The following WDR47 variants were observed in gnomAD, a reference collection of about 807,000 sequenced individuals.
WDR47 encodes WD repeat domain 47, also known as WD repeat-containing protein 47.
In WDR47, 32 loss-of-function variants were observed where a neutral mutation model predicts 97.2. The observed-to-expected ratio is 0.33, with a 90% CI of 0.25 to 0.44. The LOEUF is 0.44. Ranked by LOEUF, WDR47 falls within the 20% of genes least tolerant of loss-of-function variation. WDR47 has a pLI of 1.00. For synonymous variants in WDR47, 375 were observed against 373.5 expected (o/e 1.00, Z -0.05); for missense variants, 782 against 1,102.3 (o/e 0.71, Z 4.11).
chr1:109,004,796 TTTA>T (rs1009884983), intron 5 of WDR47, 81 bp from the exon 6 acceptor site: 10 of 1,429,286 alleles, frequency 7.0e-6, no homozygotes, highest in Middle Eastern at 2.3e-4. Flanking sequence ...GAAATTTTAT[TTTA>T]TTATTATTAT....
Position 108,995,754 on chromosome 1 carries a change from C to A in WDR47, c.1517G>T (p.Gly506Val). The A allele has an allele frequency of 6.2e-7, 1 of 1,614,086 alleles. No individual in the cohort carries two copies. Among genetic ancestry groups the A allele is most frequent in the South Asian group, 1.1e-5 (1 of 91,090 alleles). Residue 506 changes from glycine (G) to valine (V), a missense_variant, in exon 8 of 15, where the codon GGG becomes GTG. Physicochemically the swap from Gly to Val is moderately radical, Grantham distance 109 (BLOSUM62 -3). This residue lies in a region of WDR47 where 126 missense variants were observed against 121.3 expected (regional missense o/e 1.04). Transcript: ENST00000369962. ...EVSALNQQCN[G>V]SKGNGSNGSS... ...ACCATTAGATCCATTGCCTTTGCTC[C>A]CATTACATTGCTGGTTGAGTGCTGA...
In WDR47 at chr1:109,017,553, C is replaced by T. The variant is rs1439956123; in HGVS notation, c.207G>A (p.Gln69=). Residue 69 remains glutamine (Q), a synonymous_variant, in exon 3 of 15, where the codon CAG becomes CAA. Transcript: ENST00000369962. ...CAAATTTTTCCATACATTCTAGAGG[C>T]TGAATGAACTGAAGAACTTCATCCC... ...GQWDEVLQFI[Q]PLECMEKFDK... The T allele has an allele frequency of 4.3e-6, 7 of 1,612,540 alleles. No individual in the cohort carries two copies. The highest frequency in any genetic ancestry group is 1.3e-5 in the African/African-American group (1 of 74,842).
intron 2 of WDR47, among the ~76,000 whole-genome samples, chr1:109,021,303 A>C (rs1202754005): frequency 6.6e-6 from 1 of 152,118 alleles, no homozygotes; most frequent in South Asian, 2.1e-4. Context: ...CGAGGCAGGC[A>C]GATCACCTGA....
At chr1:109,022,877 C>G (rs766393779) in intron 2 of WDR47, among the ~76,000 whole-genome samples, 2 of 151,742 alleles carry the variant, frequency 1.3e-5, no homozygotes. Flanking sequence ...TGAGCCACCA[C>G]GCCCAGCCTA....
intron 8 of WDR47, among the ~76,000 whole-genome samples, chr1:108,993,244 G>C (rs1271735462): frequency 3.3e-5 from 5 of 151,734 alleles, no homozygotes; most frequent in Admixed American, 6.6e-5. Flanking sequence ...AGAATCACTT[G>C]AACCCAGGAG....
chr1:108,983,202 G>C, intron 11 of WDR47, 80 bp downstream of exon 11: 3 of 1,318,328 alleles, frequency 2.3e-6, no homozygotes, highest in Non-Finnish European at 3.0e-6. Context: ...TTTCATTAAA[G>C]ACAATACAGA....
At chr1:108,976,240 A>G (rs965837629) in intron 13 of WDR47, among the ~76,000 whole-genome samples, 4 of 152,178 alleles carry the variant, frequency 2.6e-5, no homozygotes, top group African/African-American at 4.8e-5. Context: ...AAACCTGAAT[A>G]AACAGTCAAC....
Position 109,023,375 on chromosome 1 carries a change from T to G in WDR47, c.138A>C (p.Ser46=). The G allele has an allele frequency of 6.2e-7, 1 of 1,613,722 alleles. No individual in the cohort carries two copies. The highest frequency in any genetic ancestry group is 8.5e-7 in the Non-Finnish European group (1 of 1,179,840). The change falls in exon 2 of 15, where the codon TCA becomes TCC. Residue 46 remains serine, a synonymous_variant. Transcript: ENST00000369962. ...CATACCTCAGGAAAAGCATATCATC[T>G]GAAAACAGGCCATTTATGACTCCAC... The part of the protein sequence containing the change: ...KESGVINGLF[S]DDMLFLRQLI...
rs1170442220 is a variant in WDR47, at chr1:109,013,829, TA to T, written c.327+11del. ...AGACTAGGGCGCAAACCTTCAGGAA[TA>T]AAAATCTTACATGCTGGGGCTCATC... On this transcript the variant is annotated intron_variant, in intron 4 of 14. Transcript: ENST00000369962. The T allele has an allele frequency of 6.2e-7, 1 of 1,612,526 alleles. No homozygotes were observed. Among genetic ancestry groups the T allele is most frequent in the African/African-American group, 1.3e-5 (1 of 74,884 alleles).
At chr1:108,991,835 T>C (rs1399509721) in intron 8 of WDR47, among the ~76,000 whole-genome samples, 1 of 152,028 alleles carries the variant, frequency 6.6e-6, no homozygotes, top group Non-Finnish European at 1.5e-5. Context: ...TTTAATATTA[T>C]AAAATATAAT....
At chr1:109,025,409 C>A (rs544368477) in intron 1 of WDR47, among the ~76,000 whole-genome samples, 1 of 123,732 alleles carries the variant, frequency 8.1e-6, no homozygotes, top group Non-Finnish European at 1.6e-5. Context: ...CCAGCCTGGG[C>A]GGTAGCGTGA....
At chr1:108,986,868 G>A in intron 9 of WDR47, 188 bp from the exon 10 acceptor site, 1 of 500,708 alleles carries the variant, frequency 2.0e-6, no homozygotes, top group Non-Finnish European at 3.5e-6. Flanking sequence ...TATCCTTTAA[G>A]AGGCAAACAC....
At position 108,974,737 on chromosome 1, in the gene WDR47, C is replaced by T. The variant is rs1312306192; in HGVS notation, c.2416G>A (p.Val806Ile). The T allele has an allele frequency of 2.5e-6, 4 of 1,611,216 alleles. No homozygotes were observed. Among genetic ancestry groups the T allele is most frequent in the Non-Finnish European group, 3.4e-6 (4 of 1,178,574 alleles). Residue 806 changes from valine to isoleucine, a missense_variant, in exon 14 of 15, where the codon GTA becomes ATA. This residue lies in a region of WDR47 where 228 missense variants were observed against 396.7 expected (regional missense o/e 0.57). Transcript: ENST00000369962. ...FHGTGSAVAS[V>I]AVDPSGRLLA... ...AGACGACCACTGGGATCTACAGCTACAGATGCCACTGCACTGCCTGTAGTG... is the reference window on the plus strand; with the variant it reads ...AGACGACCACTGGGATCTACAGCTATAGATGCCACTGCACTGCCTGTAGTG...
intron 13 of WDR47, among the ~76,000 whole-genome samples, chr1:108,979,345 T>C (rs905773118): frequency 6.6e-6 from 1 of 152,120 alleles, no homozygotes; most frequent in Non-Finnish European, 1.5e-5. Flanking sequence ...CTAACTGAGC[T>C]AACCAAAATT....
chr1:109,039,795 C>G (rs767599607), intron 1 of WDR47, among the ~76,000 whole-genome samples: 39 of 151,858 alleles, frequency 2.6e-4, no homozygotes, highest in Non-Finnish European at 5.9e-5. Context: ...CCCAACATTG[C>G]GAGCCCAAGG....
chr1:108,984,468 C>T (rs974112695), intron 10 of WDR47, among the ~76,000 whole-genome samples: 4 of 152,108 alleles, frequency 2.6e-5, no homozygotes, highest in African/African-American at 9.7e-5. Context: ...AAAATCTTGA[C>T]AACTATTGCA....
At chr1:109,005,919 G>A (rs1274935296) in intron 5 of WDR47, among the ~76,000 whole-genome samples, 1 of 151,886 alleles carries the variant, frequency 6.6e-6, no homozygotes, top group Non-Finnish European at 1.5e-5. Context: ...GTGTGGCCTT[G>A]GGACAGTCAC....
At chr1:108,977,006 TTGAC>T (rs1234853703) in intron 13 of WDR47, among the ~76,000 whole-genome samples, 4 of 152,162 alleles carry the variant, frequency 2.6e-5, no homozygotes, top group Admixed American at 6.6e-5. Flanking sequence ...AAAGCATACT[TTGAC>T]TGCTACGTGG....
At chr1:109,025,085 A>T in intron 1 of WDR47, 1 of 152,298 alleles carries the variant, frequency 6.6e-6, no homozygotes, top group Non-Finnish European at 1.5e-5. Context: ...GTTTATAACA[A>T]GAAATGCAAA....
Sources: gnomAD v4.1 joint callset for allele counts (sites outside exome capture counted in the v4.1 genomes callset) on GRCh38, gnomAD v4.1.1 for gene constraint, gnomAD v4.1.1 regional missense constraint, MANE v1.5 for transcripts, NCBI Gene and HGNC (gene_info 2026-07-23, HGNC 2026-07-21) for gene names.